MACROD2: variants seen among roughly 807,000 people sequenced by gnomAD.
The protein encoded by MACROD2 is ADP-ribose glycohydrolase MACROD2.
A neutral mutation model predicts 70.4 loss-of-function variants in MACROD2; 36 were observed. The observed-to-expected ratio is 0.51, with a 90% confidence interval of 0.39 to 0.68. The LOEUF (loss-of-function observed/expected upper bound fraction) is 0.68. Among genes scored for constraint, MACROD2 ranks in the 30% least tolerant of loss-of-function variants. The probability of loss-of-function intolerance (pLI) is 0.00; values close to 1 mark genes in which losing one functional copy is unlikely to be tolerated. For synonymous variants in MACROD2, 172 were observed against 178.8 expected (o/e 0.96, Z 0.30); for missense variants, 496 against 538.4 (o/e 0.92, Z 0.78).
chr20:14,299,209 C>T (rs1332082830), intron 3 of MACROD2, among the ~76,000 whole-genome samples: 1 of 152,032 alleles, frequency 6.6e-6, no homozygotes, highest in Non-Finnish European at 1.5e-5. Flanking sequence ...CACAGCCACC[C>T]CAGCCTGAAA....
intron 5 of MACROD2, among the ~76,000 whole-genome samples, chr20:15,187,515 A>G (rs548906563): frequency 2.0e-5 from 3 of 152,156 alleles, no homozygotes; most frequent in Non-Finnish European, 4.4e-5. Flanking sequence ...GTCCCCATGC[A>G]CAACAGGGAC....
intron 6 of MACROD2, among the ~76,000 whole-genome samples, chr20:15,330,364 A>C (rs1289458241): frequency 6.7e-6 from 1 of 148,296 alleles, no homozygotes; most frequent in African/African-American, 2.6e-5. Flanking sequence ...CAGAAGTGAC[A>C]GACTTTGGTA....
intron 15 of MACROD2, among the ~76,000 whole-genome samples, chr20:16,002,932 G>A (rs2066730189): frequency 6.6e-6 from 1 of 152,090 alleles, no homozygotes; most frequent in Non-Finnish European, 1.5e-5. Flanking sequence ...CAGATGGGTA[G>A]GCAAACAGAG....
At chr20:14,734,334 T>A (rs2071632589) in intron 5 of MACROD2, among the ~76,000 whole-genome samples, 1 of 151,648 alleles carries the variant, frequency 6.6e-6, no homozygotes, top group Non-Finnish European at 1.5e-5. Context: ...CTGTCTCTAC[T>A]AAAAATACGA....
At chr20:15,892,562 T>C (rs1805258998) in intron 10 of MACROD2, among the ~76,000 whole-genome samples, 1 of 152,228 alleles carries the variant, frequency 6.6e-6, no homozygotes, top group African/African-American at 2.4e-5. Context: ...AATTGCACAA[T>C]GACAATTGTC....
intron 9 of MACROD2, among the ~76,000 whole-genome samples, chr20:15,877,163 A>G (rs1266978452): frequency 6.6e-6 from 1 of 152,036 alleles, no homozygotes; most frequent in South Asian, 2.1e-4. Context: ...ATCTGTGTCC[A>G]TCCCAGCCCT....
At chr20:14,075,031 C>T (rs970941703) in intron 2 of MACROD2, among the ~76,000 whole-genome samples, 1 of 152,124 alleles carries the variant, frequency 6.6e-6, no homozygotes, top group African/African-American at 2.4e-5. Context: ...GTGTATTGCA[C>T]TGCCGGTGTT....
At chr20:14,265,776 CTTTTT>C (rs11478087) in intron 3 of MACROD2, among the ~76,000 whole-genome samples, 1 of 114,984 alleles carries the variant, frequency 8.7e-6, no homozygotes, top group Non-Finnish European at 1.9e-5. Flanking sequence ...CCGCCTTGTC[CTTTTT>C]TTTTTTTTTT....
intron 15 of MACROD2, among the ~76,000 whole-genome samples, chr20:16,035,190 T>A (rs1223998796): frequency 7.8e-6 from 1 of 128,120 alleles, no homozygotes; most frequent in African/African-American, 3.3e-5. Context: ...ATATTATATA[T>A]AAAATATAAT....
intron 3 of MACROD2, among the ~76,000 whole-genome samples, chr20:14,347,699 A>G (rs561276088): frequency 6.6e-6 from 1 of 152,148 alleles, no homozygotes; most frequent in African/African-American, 2.4e-5. Flanking sequence ...CAGAAATGCA[A>G]TTCCTTGGCT....
intron 2 of MACROD2, among the ~76,000 whole-genome samples, chr20:14,022,171 CT>C (rs1242261681): frequency 1.6e-4 from 24 of 152,178 alleles, no homozygotes. Flanking sequence ...CTTCCATGTT[CT>C]GTTGAAGCAG....
At chr20:14,472,908 T>A (rs1337515207) in intron 3 of MACROD2, among the ~76,000 whole-genome samples, 1 of 151,946 alleles carries the variant, frequency 6.6e-6, no homozygotes, top group Non-Finnish European at 1.5e-5. Context: ...GTGTGTGTGG[T>A]CTGGGCCTGG....
intron 3 of MACROD2, among the ~76,000 whole-genome samples, chr20:14,160,308 C>T (rs993600145): frequency 3.1e-4 from 47 of 152,106 alleles, no homozygotes; most frequent in African/African-American, 8.0e-4. Context: ...GTTAGTTCTT[C>T]TTTGGAAGTT....
rs77687615 is a variant in MACROD2 at position 15,620,252 on chromosome 20, G to A, written c.645+120405G>A. 9.2e-3 allele frequency among the ~76,000 whole-genome samples: 1,404 copies of A among 152,238 alleles called. 13 individuals carry two copies. Among genetic ancestry groups the A allele is most frequent in the Non-Finnish European group, 0.014 (932 of 68,014 alleles). On this transcript the variant is annotated intron_variant, in intron 8 of 17. Coordinates refer to ENST00000684519, the MANE Select transcript of MACROD2 (RefSeq NM_001351661.2). ...TTAAGAAGGAACGAATGAGTGTGGG[G>A]TGGAAGAGAATGAAGTTTTTTCCTG... is the stretch of plus-strand genomic sequence containing the variant.
chr20:14,476,346 A>G (rs941080096), intron 3 of MACROD2, among the ~76,000 whole-genome samples: 2 of 152,004 alleles, frequency 1.3e-5, no homozygotes, highest in African/African-American at 4.8e-5. Flanking sequence ...AAATGAGTAA[A>G]CCTTCATTTA....
intron 3 of MACROD2, among the ~76,000 whole-genome samples, chr20:14,332,918 G>A (rs1410565163): frequency 6.6e-6 from 1 of 152,040 alleles, no homozygotes; most frequent in Non-Finnish European, 1.5e-5. Context: ...ACAACAAACG[G>A]TATTTCAAAT....
At chr20:14,087,695 T>C (rs1298748752) in intron 3 of MACROD2, among the ~76,000 whole-genome samples, 3 of 152,150 alleles carry the variant, frequency 2.0e-5, no homozygotes, top group Admixed American at 1.3e-4. Context: ...ATGCTTTCTC[T>C]GTCCCGTGGG....
Position 14,055,526 on chromosome 20 carries a change from T to A in MACROD2, c.164-30095T>A, listed in dbSNP as rs977007901. Among the ~76,000 whole-genome samples the A allele has an allele frequency of 6.6e-3, 834 of 126,050 alleles. 4 individuals carry two copies. The highest frequency in any genetic ancestry group is 0.028 in the South Asian group (104 of 3,696). 82.7% of individuals were successfully genotyped at this position (126,050 alleles called of 152,430 possible). On this transcript the variant is annotated intron_variant, in intron 2 of 17. Transcript: ENST00000684519. ...CAGGAGCAAAAAAAAAAAAAAAAAATACATATATATACACATTTGACTATG... is the reference window on the plus strand; with the variant it reads ...CAGGAGCAAAAAAAAAAAAAAAAAAAACATATATATACACATTTGACTATG...
chr20:15,935,369 C>A (rs773230367), intron 11 of MACROD2, among the ~76,000 whole-genome samples: 124 of 152,216 alleles, frequency 8.1e-4, no homozygotes, highest in Non-Finnish European at 1.6e-3. Flanking sequence ...CACCTATAAT[C>A]CTGGCCAGTG....
Sources: gnomAD v4.1 joint callset for allele counts (sites outside exome capture counted in the v4.1 genomes callset) on GRCh38, gnomAD v4.1.1 for gene constraint, MANE v1.5 for transcripts, NCBI Gene and HGNC (gene_info 2026-07-23, HGNC 2026-07-21) for gene names.